Variants in PCDHGA2 observed in about 807,000 individuals in gnomAD.
PCDHGA2 encodes the protein protocadherin gamma-A2.
Under a neutral mutation model 59.2 loss-of-function variants are expected in PCDHGA2, and 40 were observed. The ratio of observed to expected loss-of-function variants is 0.68; its 90% CI spans 0.52 to 0.88. PCDHGA2 has a LOEUF of 0.88. Ranked by LOEUF, PCDHGA2 falls within the 40% of genes least tolerant of loss-of-function variation. PCDHGA2 has a pLI of 0.00. For missense variants in PCDHGA2, 1,226 were observed against 1,204.0 expected (o/e 1.02, Z -0.27); for synonymous variants, 560 against 526.0 (o/e 1.06, Z -0.89).
chr5:141,433,379 CTAT>C (rs2097594474), intron 1 of PCDHGA2, among the ~76,000 whole-genome samples: 1 of 151,230 alleles, frequency 6.6e-6, no homozygotes, highest in Non-Finnish European at 1.5e-5. Context: ...ATCTATCTAT[CTAT>C]CTATCTATCT....
chr5:141,483,530 GC>G (rs1384645281), intron 1 of PCDHGA2, among the ~76,000 whole-genome samples: 2 of 152,158 alleles, frequency 1.3e-5, no homozygotes, highest in African/African-American at 4.8e-5. Flanking sequence ...GACTAAGGAA[GC>G]TGGGTGGTTG....
At chr5:141,388,941 C>A (rs191165529) in intron 1 of PCDHGA2, 1 of 1,613,962 alleles carries the variant, frequency 6.2e-7, no homozygotes, top group South Asian at 1.1e-5. Context: ...TCTACCCAAC[C>A]TAATTATGGA....
At chr5:141,376,418 C>T (rs1354597104) in intron 1 of PCDHGA2, 1 of 1,614,112 alleles carries the variant, frequency 6.2e-7, no homozygotes, top group Admixed American at 1.7e-5. Flanking sequence ...TGCCGACACG[C>T]TTATCAACCA....
Position 141,490,348 on chromosome 5 carries a change from G to T in PCDHGA2, c.2425-4459G>T, listed in dbSNP as rs2099698964. On this transcript the variant is annotated intron_variant, in intron 1 of 3. Transcript: ENST00000394576. The surrounding 1 kb of genome is among the most constrained non-coding windows in gnomAD (Gnocchi z 5.4). ...GAGCACACCAGTGGGCACAGTAGTG[G>T]GGTTGTTTAATGTGCGAGACCGGGA... The T allele has an allele frequency of 1.2e-6, 2 of 1,614,080 alleles. No homozygotes were observed. The highest frequency in any genetic ancestry group is 3.3e-5 in the Admixed American group (2 of 60,018).
At chr5:141,408,856 G>A (rs750037212) in intron 1 of PCDHGA2, 1 of 1,613,518 alleles carries the variant, frequency 6.2e-7, no homozygotes, top group Non-Finnish European at 8.5e-7. Flanking sequence ...TGGACGGAGG[G>A]GACCCACCAA....
chr5:141,437,247 C>T (rs2097870457), intron 1 of PCDHGA2, among the ~76,000 whole-genome samples: 2 of 152,090 alleles, frequency 1.3e-5, no homozygotes, highest in Non-Finnish European at 2.9e-5. Context: ...AAGGACTTTC[C>T]TTGTCTTTTT....
chr5:141,446,408 C>A (rs1211716327), intron 1 of PCDHGA2, among the ~76,000 whole-genome samples: 1 of 151,898 alleles, frequency 6.6e-6, no homozygotes, highest in African/African-American at 2.4e-5. Flanking sequence ...GAGTTGAGTT[C>A]CAGCCATGTT....
At position 141,339,386 on chromosome 5, in the gene PCDHGA2, G is replaced by T. The variant is rs1240080010; in HGVS notation, c.415G>T (p.Glu139Ter). 2.5e-6 allele frequency: 4 copies of T among 1,614,218 alleles called. No individual in the cohort carries two copies. The highest frequency in any genetic ancestry group is 3.4e-6 in the Non-Finnish European group (4 of 1,180,022). Reference protein sequence around the residue: ...NAPRFGVEELELKISETTTPG... With the variant: ...NAPRFGVEEL ...CCCTCGCTTTGGAGTAGAGGAACTG[G>T]AGCTAAAAATCAGTGAAACCACTAC... is the stretch of plus-strand genomic sequence containing the variant. Residue 139 changes from glutamate to a stop codon, truncating the protein, a stop_gained, in exon 1 of 4, where the codon GAG becomes TAG. Coordinates refer to ENST00000394576, the MANE Select transcript of PCDHGA2 (RefSeq NM_018915.4). LOFTEE classifies it high-confidence loss of function.
At chr5:141,361,758 G>A (rs1388339327) in intron 1 of PCDHGA2, 4 of 1,612,942 alleles carry the variant, frequency 2.5e-6, no homozygotes, top group Non-Finnish European at 3.4e-6. Flanking sequence ...GCTCGCCCGC[G>A]CTCAGCGCCA....
In PCDHGA2 at chr5:141,387,872, G is replaced by T. The variant is rs1436610477; in HGVS notation, c.2424+46477G>T. ...TCTCCAGGCTGGTGAGCAAGCTGAG[G>T]AGAGCAAGAGGGATGGGGAGCGGCG... is the stretch of plus-strand genomic sequence containing the variant. On this transcript the variant is annotated intron_variant, in intron 1 of 3. Coordinates refer to ENST00000394576, the MANE Select transcript of PCDHGA2 (RefSeq NM_018915.4). The T allele has an allele frequency of 1.8e-5, 28 of 1,588,586 alleles. No homozygotes were observed. In the Admixed American group the frequency reaches 4.7e-4, roughly 26 times the overall value.
chr5:141,351,640 C>A (rs1460500162), intron 1 of PCDHGA2: 8 of 1,613,948 alleles, frequency 5.0e-6, no homozygotes, highest in South Asian at 2.2e-5. Flanking sequence ...TGTCTGAGAA[C>A]AACCCACCTG....
Position 141,339,069 on chromosome 5 carries a change from A to G in PCDHGA2, c.98A>G (p.Tyr33Cys), listed in dbSNP as rs750231064. The G allele has an allele frequency of 4.3e-6, 7 of 1,613,694 alleles. No homozygotes were observed. The South Asian group carries it at 5.5e-5, about 13-fold the overall frequency. The change falls in exon 1 of 4, where the codon TAT becomes TGT. Residue 33 changes from tyrosine to cysteine, a missense_variant. By Grantham distance (194) the Tyr-to-Cys change is radical (BLOSUM62 -2). Transcript: ENST00000394576. ...LWEARAGQIRYSVREEIDRGS... is the reference protein window; with the variant it reads ...LWEARAGQIRCSVREEIDRGS... ...GAGGCCAGGGCCGGGCAGATTCGCT[A>G]TTCTGTGCGGGAAGAGATCGACAGA...
chr5:141,413,461 C>T, intron 1 of PCDHGA2: 2 of 1,614,082 alleles, frequency 1.2e-6, no homozygotes, highest in Non-Finnish European at 1.7e-6. Context: ...CAGGATAGAC[C>T]GGGAGGAGCT....
chr5:141,470,262 A>C (rs924170384), intron 1 of PCDHGA2, among the ~76,000 whole-genome samples: 2 of 152,126 alleles, frequency 1.3e-5, no homozygotes, highest in African/African-American at 4.8e-5. Context: ...CTAAATGGAG[A>C]TACATGTTTG....
intron 1 of PCDHGA2, chr5:141,398,834 A>T: frequency 6.2e-7 from 1 of 1,614,014 alleles, no homozygotes; most frequent in Non-Finnish European, 8.5e-7. Context: ...ACCGACGCCA[A>T]TGATAATCCC....
intron 1 of PCDHGA2, chr5:141,392,652 A>T: frequency 1.4e-6 from 1 of 713,126 alleles, no homozygotes; most frequent in South Asian, 2.2e-5. Flanking sequence ...GAAGACCCGC[A>T]GATGCCACAA....
At chr5:141,400,773 T>A in intron 1 of PCDHGA2, 1 of 572,450 alleles carries the variant, frequency 1.7e-6, no homozygotes, top group East Asian at 2.9e-5. Flanking sequence ...AAACATTTGG[T>A]GCGTTTTTTT....
At chr5:141,447,861 G>A (rs2098553733) in intron 1 of PCDHGA2, among the ~76,000 whole-genome samples, 1 of 152,120 alleles carries the variant, frequency 6.6e-6, no homozygotes, top group Non-Finnish European at 1.5e-5. Flanking sequence ...CGAGGTGGGT[G>A]AATCATCTGA....
At chr5:141,433,358 C>CCTAG (rs1554125965) in intron 1 of PCDHGA2, 2 of 498,106 alleles carry the variant, frequency 4.0e-6, no homozygotes, top group African/African-American at 4.2e-5. Flanking sequence ...CTACTGTCTG[C>CCTAG]CTATCTATCT....
Sources: allele counts gnomAD v4.1 joint callset (sites outside exome capture counted in the v4.1 genomes callset), GRCh38; gene constraint gnomAD v4.1.1; non-coding constraint Gnocchi (gnomAD v3.1); transcripts MANE v1.5; gene names NCBI Gene and HGNC (gene_info 2026-07-23, HGNC 2026-07-21).